The following WWOX variants were observed in gnomAD, a reference collection of about 807,000 sequenced individuals.
WWOX encodes WW domain-containing oxidoreductase.
Under a neutral mutation model 46.2 loss-of-function variants are expected in WWOX, and 69 were observed. The observed-to-expected ratio is 1.49, with a 90% CI of 1.23 to 1.82. WWOX has a LOEUF of 1.82. Ranked by LOEUF, WWOX falls within the 40% of genes most tolerant of loss-of-function variation. WWOX has a pLI of 0.00. For synonymous variants in WWOX, 359 were observed against 202.6 expected (o/e 1.77, Z -6.56); for missense variants, 919 against 542.6 (o/e 1.69, Z -6.89).
intron 7 of WWOX, among the ~76,000 whole-genome samples, chr16:78,430,661 C>A (rs74030230): frequency 0.012 from 1,770 of 152,246 alleles, 29 homozygotes; most frequent in African/African-American, 0.04. Context: ...AAGTCAGACT[C>A]TTCCTGTGGT....
At chr16:78,650,161 A>T (rs2046934419) in intron 8 of WWOX, among the ~76,000 whole-genome samples, 1 of 152,206 alleles carries the variant, frequency 6.6e-6, no homozygotes, top group African/African-American at 2.4e-5. Flanking sequence ...AAGGAAAATA[A>T]AAAAGAGTGT....
At chr16:78,867,665 C>G (rs188564441) in intron 8 of WWOX, among the ~76,000 whole-genome samples, 26 of 152,150 alleles carry the variant, frequency 1.7e-4, no homozygotes, top group African/African-American at 4.1e-4. Context: ...CTCAGCCTCA[C>G]GAGTAGCTGG....
intron 5 of WWOX, chr16:78,179,745 A>G (rs2035469850): frequency 6.6e-6 from 1 of 152,244 alleles, no homozygotes; most frequent in African/African-American, 2.4e-5. Flanking sequence ...CAGCCGAGAG[A>G]TGAAATGCCA....
In WWOX at chr16:78,946,424, G is replaced by A. The variant is rs61085252; in HGVS notation, c.1057-265184G>A. Among the ~76,000 whole-genome samples, 197 of 152,154 alleles carry A rather than the reference G, an allele frequency of 1.3e-3. 1 individual carries two copies. The highest frequency in any genetic ancestry group is 4.3e-3 in the African/African-American group (180 of 41,534). ...CAGGCTGGTCTTGAACTCCTGACCTGAGTTGATCTGCTCACGTCGGCCTCC... is the reference window on the plus strand; with the variant it reads ...CAGGCTGGTCTTGAACTCCTGACCTAAGTTGATCTGCTCACGTCGGCCTCC... On this transcript the variant is annotated intron_variant, in intron 8 of 8. Coordinates refer to ENST00000566780, the MANE Select transcript of WWOX (RefSeq NM_016373.4).
At chr16:78,978,124 A>C (rs1258246067) in intron 8 of WWOX, among the ~76,000 whole-genome samples, 1 of 152,210 alleles carries the variant, frequency 6.6e-6, no homozygotes, top group Non-Finnish European at 1.5e-5. Flanking sequence ...ATCATACAAT[A>C]GCATCATGTG....
chr16:79,172,010 C>G (rs576584729), intron 8 of WWOX, among the ~76,000 whole-genome samples: 2 of 152,278 alleles, frequency 1.3e-5, no homozygotes, highest in African/African-American at 2.4e-5. Context: ...CATCCTGACT[C>G]TCAGGAACAC....
chr16:78,403,751 T>C (rs2082465815), intron 6 of WWOX, among the ~76,000 whole-genome samples: 1 of 152,208 alleles, frequency 6.6e-6, no homozygotes, highest in Non-Finnish European at 1.5e-5. Flanking sequence ...AAGTTTTCAG[T>C]TGTAAGAGTA....
intron 5 of WWOX, among the ~76,000 whole-genome samples, chr16:78,329,786 A>T (rs1191484548): frequency 6.8e-6 from 1 of 146,476 alleles, no homozygotes; most frequent in African/African-American, 2.5e-5. Flanking sequence ...TTGCTTTGTC[A>T]CCCTGGCTCA....
intron 8 of WWOX, among the ~76,000 whole-genome samples, chr16:78,803,483 G>C (rs1219382739): frequency 3.3e-5 from 5 of 152,134 alleles, no homozygotes; most frequent in African/African-American, 7.2e-5. Flanking sequence ...GTCTCGCTGT[G>C]TTGCCCATGC....
chr16:78,414,632 A>T (rs2082758485), intron 6 of WWOX, among the ~76,000 whole-genome samples: 1 of 152,216 alleles, frequency 6.6e-6, no homozygotes, highest in Admixed American at 6.5e-5. Context: ...TAGGTTCTAC[A>T]ACAGTGATGT....
At position 78,576,347 on chromosome 16, in the gene WWOX, T is replaced by G. The variant is rs74029571; in HGVS notation, c.1056+143595T>G. On this transcript the variant is annotated intron_variant, in intron 8 of 8. Coordinates refer to ENST00000566780, the MANE Select transcript of WWOX (RefSeq NM_016373.4). ...TTATTCAAAATTTATACTTCATAAT[T>G]GAAGTTCACCTCCCAAAAGACATAG... Among the ~76,000 whole-genome samples, 881 of 152,328 alleles carry G rather than the reference T, an allele frequency of 5.8e-3. 8 individuals are homozygous for G. Among genetic ancestry groups the G allele is most frequent in the African/African-American group, 0.02 (836 of 41,570 alleles).
intron 8 of WWOX, among the ~76,000 whole-genome samples, chr16:78,874,150 A>C (rs956544064): frequency 6.7e-6 from 1 of 149,938 alleles, no homozygotes; most frequent in Non-Finnish European, 1.5e-5. Flanking sequence ...CAGCTACTCG[A>C]GTGGCTGAGG....
chr16:78,663,575 A>T (rs1293587295), intron 8 of WWOX, among the ~76,000 whole-genome samples: 1 of 152,174 alleles, frequency 6.6e-6, no homozygotes, highest in Admixed American at 6.5e-5. Flanking sequence ...GAACATTCAT[A>T]TACAAGTTTT....
intron 8 of WWOX, among the ~76,000 whole-genome samples, chr16:78,956,778 G>A (rs1213802344): frequency 6.6e-6 from 1 of 152,166 alleles, no homozygotes; most frequent in Non-Finnish European, 1.5e-5. Flanking sequence ...CCCAGCCTCA[G>A]ACCTGTAGGG....
At chr16:79,018,518 A>G (rs912069471) in intron 8 of WWOX, among the ~76,000 whole-genome samples, 6 of 152,160 alleles carry the variant, frequency 3.9e-5, no homozygotes, top group East Asian at 1.9e-4. Flanking sequence ...GGATTTGACA[A>G]TGGTCTGATT....
chr16:78,608,835 T>C (rs2045828739), intron 8 of WWOX, among the ~76,000 whole-genome samples: 1 of 152,164 alleles, frequency 6.6e-6, no homozygotes, highest in East Asian at 1.9e-4. Flanking sequence ...TTCTAGCCTT[T>C]ATAGAAATGA....
chr16:78,261,614 C>G (rs2079235122), intron 5 of WWOX, among the ~76,000 whole-genome samples: 1 of 149,816 alleles, frequency 6.7e-6, no homozygotes, highest in Non-Finnish European at 1.5e-5. Flanking sequence ...GAAAAAAAGT[C>G]TGATTGCAAC....
intron 8 of WWOX, among the ~76,000 whole-genome samples, chr16:78,914,778 C>G (rs950355192): frequency 8.0e-5 from 12 of 150,378 alleles, no homozygotes; most frequent in Non-Finnish European, 1.6e-4. Context: ...ACTCTGGAGG[C>G]TGAGGCAGGA....
At chr16:78,437,520 G>A (rs899640423) in intron 8 of WWOX, among the ~76,000 whole-genome samples, 7 of 152,114 alleles carry the variant, frequency 4.6e-5, no homozygotes, top group Non-Finnish European at 1.0e-4. Context: ...AAACTCACAG[G>A]AATCAATTCT....
Sources: gnomAD v4.1 joint callset for allele counts (sites outside exome capture counted in the v4.1 genomes callset) on GRCh38, gnomAD v4.1.1 for gene constraint, MANE v1.5 for transcripts, NCBI Gene and HGNC (gene_info 2026-07-23, HGNC 2026-07-21) for gene names.